Variants in GJA3 observed in about 807,000 individuals in gnomAD.
GJA3 encodes the protein gap junction alpha-3 protein.
For synonymous variants in GJA3, 297 were observed against 292.6 expected (o/e 1.02, Z -0.15); for missense variants, 571 against 620.3 (o/e 0.92, Z 0.84).
intron 1 of GJA3, among the ~76,000 whole-genome samples, chr13:20,157,123 AAGT>A (rs1281158223): frequency 2.0e-5 from 3 of 152,332 alleles, no homozygotes; most frequent in East Asian, 3.9e-4. Context: ...TTAGTCCTCA[AAGT>A]TTTAAAAATT....
chr13:20,150,433 G>A (rs9550616), intron 1 of GJA3, among the ~76,000 whole-genome samples: 35,558 of 151,886 alleles, frequency 0.23, 5,427 homozygotes, highest in Non-Finnish European at 0.34. Flanking sequence ...GACTAAGACT[G>A]GGCCGGGAGG....
chr13:20,161,349 G>A (rs1215721152), upstream of GJA3, among the ~76,000 whole-genome samples: 1 of 152,126 alleles, frequency 6.6e-6, no homozygotes, highest in Admixed American at 6.5e-5. Flanking sequence ...GGACGTGAGA[G>A]GAGAGCCGAG....
chr13:20,143,271 A>T lies in GJA3; in HGVS notation c.18T>A (p.Phe6Leu). 1 of 1,521,756 alleles carries T rather than the reference A, an allele frequency of 6.6e-7. No homozygotes were observed. Among genetic ancestry groups the T allele is most frequent in the Non-Finnish European group, 8.8e-7 (1 of 1,137,306 alleles). 94.3% of individuals were successfully genotyped at this position (1,521,756 alleles called of 1,614,324 possible). A position where few individuals can be genotyped will look rare whatever the true frequency, so the allele number is the denominator to read the frequency against. ...GTGCATTTTCTAAGAGTCTTCCCAG[A>T]AAGCTCCAGTCGCCCATTGCTTCAG... MGDWS[F>L]LGRLLENAQE... is the part of the protein sequence containing the mutation. The change falls in exon 2 of 2, where the codon TTT (phenylalanine) becomes TTA (leucine). Residue 6 changes from phenylalanine (F) to leucine (L), a missense_variant. Transcript: ENST00000241125.
Position 20,142,963 on chromosome 13 carries a change from C to T in GJA3, c.326G>A (p.Arg109Lys), listed in dbSNP as rs1235716162. The change falls in exon 2 of 2, where the codon AGG becomes AAG. Residue 109 changes from arginine to lysine, a missense_variant. By Grantham distance (26) the Arg-to-Lys change is conservative. Transcript: ENST00000241125. ...IVRMEEKKKE[R>K]EEEEQLKRES... ...TCTCTTCAGCTGCTCCTCCTCCTCCCTCTCTTTCTTCTTCTCTTCCATGCG... is the reference window on the plus strand; with the variant it reads ...TCTCTTCAGCTGCTCCTCCTCCTCCTTCTCTTTCTTCTTCTCTTCCATGCG... The T allele has an allele frequency of 1.9e-6, 3 of 1,582,098 alleles. No homozygotes were observed. Among genetic ancestry groups the T allele is most frequent in the Non-Finnish European group, 2.6e-6 (3 of 1,164,114 alleles).
At chr13:20,152,453 C>T (rs766595634) in intron 1 of GJA3, among the ~76,000 whole-genome samples, 3 of 152,082 alleles carry the variant, frequency 2.0e-5, no homozygotes, top group Non-Finnish European at 4.4e-5. Context: ...GGTACAATCT[C>T]GGCTCACTGC....
intron 1 of GJA3, among the ~76,000 whole-genome samples, chr13:20,150,679 C>T (rs897121890): frequency 3.0e-4 from 46 of 152,010 alleles, no homozygotes; most frequent in African/African-American, 1.0e-3. Flanking sequence ...GTGGGACCCT[C>T]GATGCGATCC....
At chr13:20,152,301 G>C (rs187924687) in intron 1 of GJA3, among the ~76,000 whole-genome samples, 7 of 50,168 alleles carry the variant, frequency 1.4e-4, no homozygotes, top group African/African-American at 6.2e-4. Context: ...GCAAGTTTTA[G>C]TTAAGTCTCT....
rs774238106 is a variant in GJA3 at position 20,139,286 on chromosome 13, G to A, written c.*2695C>T. The A allele has an allele frequency of 7.9e-5, 12 of 151,782 alleles. No homozygotes were observed. The highest frequency in any genetic ancestry group is 1.3e-4 in the Non-Finnish European group (9 of 67,942). 9.4% of individuals were successfully genotyped at this position (151,782 alleles called of 1,614,324 possible). ...GTAAATATAATACTCAAATGCTATA[G>A]GTATAGCATTTGAGTTTTAAAATAG... On this transcript the variant is annotated 3_prime_UTR_variant, in exon 2 of 2. Transcript: ENST00000241125.
upstream of GJA3, among the ~76,000 whole-genome samples, chr13:20,161,271 C>T (rs1958936624): frequency 1.3e-5 from 2 of 152,206 alleles, 1 homozygote; most frequent in South Asian, 4.1e-4. Context: ...CGCACCTGCG[C>T]GGGCCCTGGG....
intron 1 of GJA3, among the ~76,000 whole-genome samples, chr13:20,153,154 GT>G (rs1458897411): frequency 1.4e-4 from 21 of 152,072 alleles, no homozygotes; most frequent in African/African-American, 4.3e-4. Flanking sequence ...CCTTTTCATA[GT>G]TCTCATCTGA....
In GJA3 at chr13:20,142,833, G is replaced by A. The variant is rs1444841017; in HGVS notation, c.456C>T (p.Asn152=). The change falls in exon 2 of 2, where the codon AAC becomes AAT. Residue 152 remains asparagine, a synonymous_variant. Coordinates refer to ENST00000241125, the MANE Select transcript of GJA3 (RefSeq NM_021954.4). ...AGALLRTYVF[N]IIFKTLFEVG... ...CCTCGAACAGCGTCTTGAAGATGAT[G>A]TTGAAGACGTAGGTCCGCAGCAGCG... 1.2e-6 allele frequency: 2 copies of A among 1,613,360 alleles called. No homozygotes were observed. Among genetic ancestry groups the A allele is most frequent in the Non-Finnish European group, 8.5e-7 (1 of 1,179,672 alleles).
rs963434606 is a variant in GJA3 at position 20,140,538 on chromosome 13, G to T, written c.*1443C>A. ...TAGAAGTTGGAGGTGAAAAGTGTGA[G>T]TAGAAACAGGCTCAACATGACCATC... On this transcript the variant is annotated 3_prime_UTR_variant, in exon 2 of 2. Transcript: ENST00000241125. 4 of 152,202 alleles carry T rather than the reference G, an allele frequency of 2.6e-5. No individual in the cohort carries two copies. Among genetic ancestry groups the T allele is most frequent in the African/African-American group, 9.6e-5 (4 of 41,454 alleles). The allele number at this position is 152,202 out of a possible 1,614,324, so 9.4% of individuals were successfully genotyped here.
chr13:20,156,765 C>G (rs1289814286), intron 1 of GJA3, among the ~76,000 whole-genome samples: 2 of 152,238 alleles, frequency 1.3e-5, no homozygotes, highest in East Asian at 1.9e-4. Flanking sequence ...AATATTCCCT[C>G]TAGAAATCAG....
At chr13:20,154,053 C>T (rs1344328935) in intron 1 of GJA3, among the ~76,000 whole-genome samples, 1 of 152,148 alleles carries the variant, frequency 6.6e-6, no homozygotes, top group Non-Finnish European at 1.5e-5. Flanking sequence ...AGGACAAGTC[C>T]CCCAACCTTG....
rs543515868 is a variant in GJA3 at position 20,138,308 on chromosome 13, A to G, written c.*3673T>C. On this transcript the variant is annotated 3_prime_UTR_variant, in exon 2 of 2. Transcript: ENST00000241125. ...TAGAAAATGCTTACTTCCAGTTACA[A>G]TGTAATCCAGGAAAGACACTGTTAT... The G allele has an allele frequency of 1.3e-5, 2 of 152,218 alleles. No homozygotes were observed. The allele number at this position is 152,218 out of a possible 1,614,324, so 9.4% of individuals were successfully genotyped here.
intron 1 of GJA3, among the ~76,000 whole-genome samples, chr13:20,151,160 G>C (rs1189697814): frequency 1.3e-5 from 2 of 152,188 alleles, no homozygotes; most frequent in Non-Finnish European, 2.9e-5. Flanking sequence ...GAGGCAGTCA[G>C]TGAGGGCAGG....
rs2141148531 is a variant in GJA3 at position 20,160,892 on chromosome 13, C to G, written c.-20G>C. On this transcript the variant is annotated splice_region_variant and 5_prime_UTR_variant, in exon 1 of 2. Transcript: ENST00000241125. ...CCGGGGCGCCCGGCCCGCCTTACCC[C>G]GCTCTGCCGCGGCGGCGACCCGGGT... 3 of 151,730 alleles carry G rather than the reference C, an allele frequency of 2.0e-5. No individual in the cohort carries two copies. The South Asian group carries it at 6.2e-4, about 31-fold the overall frequency. 9.4% of individuals were successfully genotyped at this position (151,730 alleles called of 1,614,324 possible).
Position 20,138,510 on chromosome 13 carries a change from T to C in GJA3, c.*3471A>G, listed in dbSNP as rs1958789007. 6.6e-6 allele frequency: 1 copy of C among 152,124 alleles called. No homozygotes were observed. Among genetic ancestry groups the C allele is most frequent in the Non-Finnish European group, 1.5e-5 (1 of 68,014 alleles). The allele number at this position is 152,124 out of a possible 1,614,324, so 9.4% of individuals were successfully genotyped here. A position where few individuals can be genotyped will look rare whatever the true frequency, so the allele number is the denominator to read the frequency against. ...GTTCTGTAACGTAAAGGGGAAAAAATATTTTGGGCAGTCAGAAACCTTAAA... is the reference window on the plus strand; with the variant it reads ...GTTCTGTAACGTAAAGGGGAAAAAACATTTTGGGCAGTCAGAAACCTTAAA... On this transcript the variant is annotated 3_prime_UTR_variant, in exon 2 of 2. Transcript: ENST00000241125.
At chr13:20,151,886 G>A in intron 1 of GJA3, among the ~76,000 whole-genome samples, 1 of 152,124 alleles carries the variant, frequency 6.6e-6, no homozygotes, top group Non-Finnish European at 1.5e-5. Flanking sequence ...CCAGGAAGGA[G>A]GCTGGACCAC....
Sources: gnomAD v4.1 joint callset for allele counts (sites outside exome capture counted in the v4.1 genomes callset) on GRCh38, gnomAD v4.1.1 for gene constraint, MANE v1.5 for transcripts, NCBI Gene and HGNC (gene_info 2026-07-23, HGNC 2026-07-21) for gene names.